BRD1: variants seen among roughly 807,000 people sequenced by gnomAD.
BRD1 encodes bromodomain-containing protein 1.
In BRD1, 24 loss-of-function variants were observed where a neutral mutation model predicts 107.7. That is an observed-to-expected ratio of 0.22 (90% CI 0.16 to 0.31). BRD1 has a LOEUF of 0.31. Ranked by LOEUF, BRD1 falls within the 10% of genes least tolerant of loss-of-function variation. The pLI is 1.00. For missense variants in BRD1, 1,279 were observed against 1,638.6 expected, an observed-to-expected ratio of 0.78 and a Z score of 3.79; for synonymous variants, 744 against 686.1, an observed-to-expected ratio of 1.08 and a Z score of -1.32.
chr22:49,776,228 A>T, intron 10 of BRD1, 69 bp from the exon 11 acceptor site: 1 of 1,374,638 alleles, frequency 7.3e-7, no homozygotes, highest in East Asian at 2.4e-5. Context: ...CCCCCCACAA[A>T]AGGTGCAGCA....
Position 49,795,271 on chromosome 22 carries a change from C to T in BRD1, c.2099-977G>A, listed in dbSNP as rs533262802. 2.6e-5 allele frequency among the ~76,000 whole-genome samples: 4 copies of T among 152,328 alleles called. No individual in the cohort carries two copies. In the East Asian group the frequency reaches 7.7e-4, roughly 29 times the overall value. On this transcript the variant is annotated intron_variant, in intron 6 of 12. Coordinates refer to ENST00000404760, the MANE Select transcript of BRD1 (RefSeq NM_001304808.3). ...TTTCTTTCAAAACAGAGACCCACGG[C>T]CTCCAGGTCTGTGGCTCAGGCTCCA... is the stretch of plus-strand genomic sequence containing the variant.
In BRD1 at chr22:49,823,706, C is replaced by T; in HGVS notation, c.612G>A (p.Gln204=). The change falls in exon 2 of 13, where the codon CAG becomes CAA. Residue 204 remains glutamine (Q), a synonymous_variant. Coordinates refer to ENST00000404760, the MANE Select transcript of BRD1 (RefSeq NM_001304808.3). Reference sequence around the variant, plus strand: ...CGTCGATCAGAGACTGCTGCTCGCCCTGCTTCTGGTTCTCGCAGTGCGACT... The same window carrying T: ...CGTCGATCAGAGACTGCTGCTCGCCTTGCTTCTGGTTCTCGCAGTGCGACT... ...EKESHCENQK[Q]GEQQSLIDED... 1 of 1,613,962 alleles carries T rather than the reference C, an allele frequency of 6.2e-7. No individual in the cohort carries two copies. Among genetic ancestry groups the T allele is most frequent in the South Asian group, 1.1e-5 (1 of 91,078 alleles).
intron 2 of BRD1, among the ~76,000 whole-genome samples, chr22:49,819,365 G>A (rs1452178173): frequency 6.6e-6 from 1 of 152,032 alleles, no homozygotes; most frequent in Admixed American, 6.6e-5. Flanking sequence ...GCCGAGGCAG[G>A]CAGATTGCTT....
At chr22:49,793,961 G>C in intron 7 of BRD1, 73 bp downstream of exon 7, 1 of 1,545,702 alleles carries the variant, frequency 6.5e-7, no homozygotes. Context: ...CCGTGTCTGG[G>C]TCTGTGCCTG....
At chr22:49,775,817 CCCCCCCCGCCT>C (rs2059073463) in intron 11 of BRD1, 72 bp from the exon 12 acceptor site, 1 of 1,204,676 alleles carries the variant, frequency 8.3e-7, no homozygotes, top group African/African-American at 4.1e-5. Flanking sequence ...TCACTGGCAC[CCCCCCCCGCCT>C]CCCCACCCCA....
intron 11 of BRD1, 75 bp from the exon 12 acceptor site, chr22:49,775,820 CCCCCGCCT>C: frequency 9.6e-6 from 13 of 1,360,656 alleles, no homozygotes; most frequent in Non-Finnish European, 1.1e-5. Flanking sequence ...CTGGCACCCC[CCCCCGCCT>C]CCCCACCCCA....
intron 3 of BRD1, among the ~76,000 whole-genome samples, chr22:49,799,585 G>A (rs1054757506): frequency 4.6e-5 from 7 of 152,256 alleles, no homozygotes; most frequent in African/African-American, 1.7e-4. Context: ...GGCTTGGACA[G>A]AGCATGACGG....
At chr22:49,816,501 G>A (rs1257151872) in intron 2 of BRD1, among the ~76,000 whole-genome samples, 2 of 152,154 alleles carry the variant, frequency 1.3e-5, no homozygotes, top group Non-Finnish European at 2.9e-5. Context: ...TGCAGCAAGT[G>A]CTCAAGGGAG....
At chr22:49,826,033 C>T (rs1708941886) in intron 1 of BRD1, 1 of 332,852 alleles carries the variant, frequency 3.0e-6, no homozygotes, top group Non-Finnish European at 4.3e-6. Context: ...ACCCCCCAGC[C>T]GGCCCCGTGA....
In BRD1 at chr22:49,792,095, T is replaced by C. The variant is rs532733941; in HGVS notation, c.2359+1939A>G. Among the ~76,000 whole-genome samples the C allele has an allele frequency of 4.6e-5, 7 of 152,106 alleles. No homozygotes were observed. In the East Asian group the frequency reaches 1.4e-3, roughly 29 times the overall value. On this transcript the variant is annotated intron_variant, in intron 7 of 12. Transcript: ENST00000404760. This position sits in a 1 kb window ranked among gnomAD's most constrained non-coding sequence, Gnocchi z 4.2. ...TCCAACCATGCGAGGTCCTCAACCA[T>C]GCGAGGTCCTCAGTCCTGTGACCCA...
chr22:49,813,684 T>G (rs1444440927), intron 2 of BRD1, among the ~76,000 whole-genome samples: 1 of 151,600 alleles, frequency 6.6e-6, no homozygotes, highest in African/African-American at 2.4e-5. Flanking sequence ...ATACAAAAAT[T>G]AGCCAGGTGT....
intron 2 of BRD1, among the ~76,000 whole-genome samples, chr22:49,812,605 C>T (rs2059870565): frequency 6.6e-6 from 1 of 152,210 alleles, no homozygotes; most frequent in Non-Finnish European, 1.5e-5. Context: ...GGGCAGCAAA[C>T]TGGGCCACCT....
At chr22:49,805,054 C>G (rs1489570110) in intron 2 of BRD1, among the ~76,000 whole-genome samples, 1 of 152,186 alleles carries the variant, frequency 6.6e-6, no homozygotes, top group Non-Finnish European at 1.5e-5. Flanking sequence ...ACTCAGACGC[C>G]ATGGGAGAGG....
chr22:49,801,600 G>A (rs912649493), intron 3 of BRD1, among the ~76,000 whole-genome samples: 15 of 152,226 alleles, frequency 9.9e-5, no homozygotes, highest in East Asian at 5.8e-4. Context: ...GCTCTGCTGC[G>A]GCTCAAGTCC....
At chr22:49,777,924 G>GTT in intron 8 of BRD1, 111 bp from the exon 9 acceptor site, 1 of 1,398,068 alleles carries the variant, frequency 7.2e-7, no homozygotes, top group Non-Finnish European at 9.5e-7. Flanking sequence ...TCACAGACAG[G>GTT]TAAGACAGCA....
rs900743671 is a variant in BRD1 at position 49,826,109 on chromosome 22, G to A, written c.-15+1388C>T. On this transcript the variant is annotated intron_variant, in intron 1 of 12. Coordinates refer to ENST00000404760, the MANE Select transcript of BRD1 (RefSeq NM_001304808.3). ...TAGTGCACCCGGGACGCCGACACGC[G>A]TCATTACTGAGGTGGGGCAGAAGCA... 1.2e-5 allele frequency: 11 copies of A among 944,706 alleles called. No homozygotes were observed. In the South Asian group the frequency reaches 3.4e-4, roughly 29 times the overall value. 58.5% of individuals were successfully genotyped at this position (944,706 alleles called of 1,614,324 possible).
rs2059266576 is a variant in BRD1, at chr22:49,783,965, G to A, written c.2857+3425C>T. 6.6e-6 allele frequency among the ~76,000 whole-genome samples: 1 copy of A among 152,212 alleles called. No individual in the cohort carries two copies. Among genetic ancestry groups the A allele is most frequent in the South Asian group, 2.1e-4 (1 of 4,834 alleles). On this transcript the variant is annotated intron_variant, in intron 8 of 12. Coordinates refer to ENST00000404760, the MANE Select transcript of BRD1 (RefSeq NM_001304808.3). This position sits in a 1 kb window ranked among gnomAD's most constrained non-coding sequence, Gnocchi z 4.2. ...AGAGTGAACTACCCAGCACATTAGT[G>A]GTTAAAGTGAGAACCTGGAAAACAG...
At chr22:49,804,531 G>C (rs528592787) in intron 2 of BRD1, among the ~76,000 whole-genome samples, 171 bp from the exon 3 acceptor site, 1 of 152,224 alleles carries the variant, frequency 6.6e-6, no homozygotes, top group South Asian at 2.1e-4. Flanking sequence ...CAAAATTCAC[G>C]ATCTCCAACC....
Position 49,783,494 on chromosome 22 carries a change from C to T in BRD1, c.2857+3896G>A, listed in dbSNP as rs565432134. On this transcript the variant is annotated intron_variant, in intron 8 of 12. Coordinates refer to ENST00000404760, the MANE Select transcript of BRD1 (RefSeq NM_001304808.3). The surrounding 1 kb of genome is among the most constrained non-coding windows in gnomAD (Gnocchi z 4.2). ...CCCATGGCACAGACACAGCACAACG[C>T]GCCTGGGCATGGCCGTCACACCCAA... Among the ~76,000 whole-genome samples the T allele has an allele frequency of 5.9e-5, 9 of 152,356 alleles. No homozygotes were observed. The highest frequency in any genetic ancestry group is 3.9e-4 in the East Asian group (2 of 5,190).
Sources: gnomAD v4.1 joint callset for allele counts (sites outside exome capture counted in the v4.1 genomes callset) on GRCh38, gnomAD v4.1.1 for gene constraint, Gnocchi (gnomAD v3.1) non-coding constraint, MANE v1.5 for transcripts, NCBI Gene and HGNC (gene_info 2026-07-23, HGNC 2026-07-21) for gene names.